The following DPP10 variants were observed in gnomAD, a reference collection of about 807,000 sequenced individuals.
DPP10 encodes inactive dipeptidyl peptidase 10.
Under a neutral mutation model 120.9 loss-of-function variants are expected in DPP10, and 33 were observed. The observed-to-expected ratio is 0.27, with a 90% confidence interval of 0.21 to 0.37. The LOEUF (loss-of-function observed/expected upper bound fraction) is 0.37, where lower values mean the gene tolerates loss of function less well. DPP10 is among the 10% of genes least tolerant of loss of function. DPP10 has a pLI of 1.00. For missense variants in DPP10, 816 were observed against 942.8 expected (o/e 0.87, Z 1.76); for synonymous variants, 337 against 326.1 (o/e 1.03, Z -0.36).
At chr2:114,650,117 C>T (rs202041895) in intron 1 of DPP10, among the ~76,000 whole-genome samples, 202 of 152,286 alleles carry the variant, frequency 1.3e-3, no homozygotes, top group Non-Finnish European at 2.1e-3. Flanking sequence ...GGGAACCAGT[C>T]AGTCTCTGTA....
chr2:115,800,947 A>G (rs1685155530), intron 19 of DPP10, among the ~76,000 whole-genome samples: 1 of 152,060 alleles, frequency 6.6e-6, no homozygotes, highest in Non-Finnish European at 1.5e-5. Context: ...TGAACTTTAA[A>G]GTAGTTTTTT....
In DPP10 at chr2:115,386,807, G is replaced by A. The variant is rs991270224; in HGVS notation, c.271+42895G>A. ...TCCTTATGCCAAAGTGGCATATTTC[G>A]GGGGTGACATATATTGTTACCCTTT... On this transcript the variant is annotated intron_variant, in intron 3 of 25. Coordinates refer to ENST00000410059, the MANE Select transcript of DPP10 (RefSeq NM_020868.6). 7.2e-5 allele frequency among the ~76,000 whole-genome samples: 11 copies of A among 151,832 alleles called. No individual in the cohort carries two copies. The South Asian group carries it at 2.1e-3, about 29-fold the overall frequency.
At chr2:115,270,368 A>G (rs1395219047) in intron 1 of DPP10, among the ~76,000 whole-genome samples, 1 of 151,938 alleles carries the variant, frequency 6.6e-6, no homozygotes, top group Admixed American at 6.6e-5. Flanking sequence ...TGCAGGGGCA[A>G]TGTGCTGAAC....
At chr2:115,517,139 C>T (rs961114500) in intron 4 of DPP10, among the ~76,000 whole-genome samples, 6 of 152,040 alleles carry the variant, frequency 3.9e-5, no homozygotes, top group Non-Finnish European at 7.4e-5. Context: ...AGCAATTGCA[C>T]GTGTATTTCA....
chr2:114,771,554 C>T (rs541476196), intron 1 of DPP10, among the ~76,000 whole-genome samples: 5 of 152,240 alleles, frequency 3.3e-5, no homozygotes, highest in South Asian at 2.1e-4. Context: ...CTTGTGAAGG[C>T]GATTGTTTGG....
At chr2:115,276,483 GA>G (rs2059926835) in intron 1 of DPP10, among the ~76,000 whole-genome samples, 1 of 152,044 alleles carries the variant, frequency 6.6e-6, no homozygotes. Flanking sequence ...GAGCTATTTC[GA>G]AAAACCTAAA....
chr2:115,347,504 T>G (rs1176511530), intron 3 of DPP10, among the ~76,000 whole-genome samples: 4 of 152,124 alleles, frequency 2.6e-5, no homozygotes, highest in Non-Finnish European at 5.9e-5. Context: ...TTATTATACT[T>G]TAAGTTCTAG....
rs540163530 is a variant in DPP10, at chr2:115,375,024, T to C, written c.271+31112T>C. ...TTAACATTTGGCTTCTCTTCACTTA[T>C]GCAAAGTTCTGCAGGTAGCTTGAAT... On this transcript the variant is annotated intron_variant, in intron 3 of 25. Coordinates refer to ENST00000410059, the MANE Select transcript of DPP10 (RefSeq NM_020868.6). 3.9e-5 allele frequency among the ~76,000 whole-genome samples: 6 copies of C among 152,360 alleles called. No homozygotes were observed. In the East Asian group the frequency reaches 9.6e-4, roughly 25 times the overall value.
intron 1 of DPP10, among the ~76,000 whole-genome samples, chr2:114,485,861 C>T (rs1014851216): frequency 2.0e-5 from 3 of 152,020 alleles, no homozygotes; most frequent in South Asian, 2.1e-4. Context: ...AGCATATATA[C>T]CCTAGGATTA....
intron 5 of DPP10, among the ~76,000 whole-genome samples, chr2:115,609,782 C>A (rs7604938): frequency 1.3e-5 from 2 of 151,708 alleles, no homozygotes; most frequent in East Asian, 3.9e-4. Context: ...TAATTAATGG[C>A]TCAGCTGTGA....
intron 1 of DPP10, among the ~76,000 whole-genome samples, chr2:114,493,640 A>G (rs896963216): frequency 1.3e-5 from 2 of 151,662 alleles, no homozygotes; most frequent in Non-Finnish European, 2.9e-5. Flanking sequence ...GGAAGACTGG[A>G]GGATTCATTA....
intron 1 of DPP10, among the ~76,000 whole-genome samples, chr2:114,739,925 T>C (rs1345462039): frequency 6.6e-6 from 1 of 152,058 alleles, no homozygotes; most frequent in Non-Finnish European, 1.5e-5. Context: ...TCATTCATCA[T>C]AAAAACTGTG....
At chr2:115,252,786 T>G (rs2058810285) in intron 1 of DPP10, among the ~76,000 whole-genome samples, 1 of 152,244 alleles carries the variant, frequency 6.6e-6, no homozygotes, top group African/African-American at 2.4e-5. Flanking sequence ...TTGATTTCTC[T>G]GATGCAGTGC....
At chr2:115,118,734 C>T (rs1020411644) in intron 1 of DPP10, among the ~76,000 whole-genome samples, 1 of 149,184 alleles carries the variant, frequency 6.7e-6, no homozygotes, top group East Asian at 2.0e-4. Flanking sequence ...CACATGCCAC[C>T]ACACACAGCT....
chr2:115,467,613 A>T (rs189668429), intron 3 of DPP10, among the ~76,000 whole-genome samples: 5 of 152,130 alleles, frequency 3.3e-5, no homozygotes, highest in Admixed American at 6.5e-5. Context: ...AAAAGAGAAA[A>T]TTAACTGTGA....
intron 1 of DPP10, among the ~76,000 whole-genome samples, chr2:114,539,789 A>C (rs1236421329): frequency 6.6e-6 from 1 of 152,242 alleles, no homozygotes; most frequent in Non-Finnish European, 1.5e-5. Flanking sequence ...TACACGCAAG[A>C]ATGAATGATC....
intron 1 of DPP10, among the ~76,000 whole-genome samples, chr2:115,092,664 G>T (rs938226810): frequency 2.0e-5 from 3 of 152,018 alleles, no homozygotes; most frequent in African/African-American, 4.8e-5. Context: ...CAAATTCTAG[G>T]ATTTACTAGG....
At chr2:114,686,323 G>A (rs969582367) in intron 1 of DPP10, among the ~76,000 whole-genome samples, 1 of 151,890 alleles carries the variant, frequency 6.6e-6, no homozygotes, top group Non-Finnish European at 1.5e-5. Flanking sequence ...AGGTACATAT[G>A]TAAAGTTATC....
At chr2:115,710,118 TAAAG>T (rs2092268284) in intron 7 of DPP10, among the ~76,000 whole-genome samples, 1 of 151,934 alleles carries the variant, frequency 6.6e-6, no homozygotes, top group South Asian at 2.1e-4. Context: ...CAAAGTGAAA[TAAAG>T]ACAGTTTCTG....
Sources: gnomAD v4.1 joint callset for allele counts (sites outside exome capture counted in the v4.1 genomes callset) on GRCh38, gnomAD v4.1.1 for gene constraint, MANE v1.5 for transcripts, NCBI Gene and HGNC (gene_info 2026-07-23, HGNC 2026-07-21) for gene names.